DNAAF11: variants seen among roughly 807,000 people sequenced by gnomAD.
The protein encoded by DNAAF11 is leucine rich repeat containing 6.
Under a neutral mutation model 60.8 loss-of-function variants are expected in DNAAF11, and 45 were observed. That is an observed-to-expected ratio of 0.74 (90% CI 0.58 to 0.95). The LOEUF (loss-of-function observed/expected upper bound fraction) is 0.95, where lower values mean the gene tolerates loss of function less well. Ranked by LOEUF, DNAAF11 falls within the 40% of genes least tolerant of loss-of-function variation. The pLI, the probability that DNAAF11 is intolerant of heterozygous loss-of-function variation, is 0.00. For missense variants in DNAAF11, 546 were observed against 546.2 expected (o/e 1.00, Z 0.00); for synonymous variants, 191 against 183.5 (o/e 1.04, Z -0.33).
chr8:132,617,134 T>A (rs1227787661), intron 7 of DNAAF11, among the ~76,000 whole-genome samples: 1 of 152,104 alleles, frequency 6.6e-6, no homozygotes, highest in African/African-American at 2.4e-5. Context: ...TATATATTCT[T>A]AACAACATAA....
At chr8:132,681,978 C>G in the DNAAF11 span, among the ~76,000 whole-genome samples, 528 of 152,214 alleles carry the variant, frequency 3.5e-3, 11 homozygotes, top group East Asian at 0.05. Flanking sequence ...TTGAATTTTG[C>G]CAAGATTTAA....
chr8:132,623,890 T>A (rs1819992028), intron 6 of DNAAF11, among the ~76,000 whole-genome samples: 1 of 152,066 alleles, frequency 6.6e-6, no homozygotes, highest in Non-Finnish European at 1.5e-5. Context: ...ATTTCTTTTG[T>A]CCCTGCTTAC....
intron 8 of DNAAF11, 105 bp downstream of exon 8, chr8:132,614,933 T>C (rs1818995427): frequency 1.6e-6 from 1 of 620,904 alleles, no homozygotes; most frequent in Non-Finnish European, 2.9e-6. Flanking sequence ...CATTTAACTA[T>C]AGGTCTAAGT....
At chr8:132,651,873 T>A (rs956492722) in intron 3 of DNAAF11, among the ~76,000 whole-genome samples, 2 of 152,330 alleles carry the variant, frequency 1.3e-5, no homozygotes, top group East Asian at 3.9e-4. Flanking sequence ...GAGAGAGCAA[T>A]GACTCCATTT....
At chr8:132,604,027 GTTTGTGGAAATTATC>G (rs1817903155) in intron 10 of DNAAF11, among the ~76,000 whole-genome samples, 1 of 152,162 alleles carries the variant, frequency 6.6e-6, no homozygotes, top group Non-Finnish European at 1.5e-5. Context: ...TATGGTTAAA[GTTTGTGGAAATTATC>G]TTTTGAGGCT....
chr8:132,685,442 A>G, the DNAAF11 span, among the ~76,000 whole-genome samples: 2 of 152,316 alleles, frequency 1.3e-5, 1 homozygote, highest in African/African-American at 4.8e-5. Context: ...GTTTATTTTA[A>G]TTGCTAATAT....
chr8:132,679,104 A>G (rs998961304), upstream of DNAAF11, among the ~76,000 whole-genome samples: 5 of 152,226 alleles, frequency 3.3e-5, no homozygotes, highest in Non-Finnish European at 4.4e-5. Context: ...AGATTAGGAA[A>G]CTGAAGCCCA....
rs1814237431 is a variant in DNAAF11 at position 132,571,982 on chromosome 8, A to C, written c.*324T>G. ...TTGCTGAAGTACCAATTTAATACTC[A>C]GTCCTTTTATCTATGAATTAATACT... On this transcript the variant is annotated 3_prime_UTR_variant, in exon 12 of 12. Transcript: ENST00000620350. 1 of 203,786 alleles carries C rather than the reference A, an allele frequency of 4.9e-6. No individual in the cohort carries two copies. The highest frequency in any genetic ancestry group is 9.7e-6 in the Non-Finnish European group (1 of 102,606). The allele number at this position is 203,786 out of a possible 1,614,324, so 12.6% of individuals were successfully genotyped here. A position where few individuals can be genotyped will look rare whatever the true frequency, so the allele number is the denominator to read the frequency against.
At chr8:132,603,620 A>T (rs772466755) in intron 10 of DNAAF11, among the ~76,000 whole-genome samples, 1 of 151,940 alleles carries the variant, frequency 6.6e-6, no homozygotes, top group African/African-American at 2.4e-5. Context: ...GGGAGGACAT[A>T]ATGCCTAATT....
intron 10 of DNAAF11, among the ~76,000 whole-genome samples, chr8:132,593,324 TATAC>T (rs1029275849): frequency 1.3e-4 from 14 of 106,784 alleles, no homozygotes; most frequent in South Asian, 6.1e-4. Context: ...TCAAAGAATA[TATAC>T]ATACATATAT....
At chr8:132,647,213 T>A (rs546554673) in intron 3 of DNAAF11, among the ~76,000 whole-genome samples, 3 of 152,056 alleles carry the variant, frequency 2.0e-5, no homozygotes, top group East Asian at 3.9e-4. Context: ...CTCAACTACA[T>A]GGAAACTGAA....
At chr8:132,615,160 A>C (rs1472105918) in intron 7 of DNAAF11, 63 bp from the exon 8 acceptor site, 1 of 937,214 alleles carries the variant, frequency 1.1e-6, no homozygotes, top group African/African-American at 1.6e-5. Flanking sequence ...AGAAAACCCC[A>C]TCATAAATTC....
At chr8:132,580,728 A>G (rs1815241556) in intron 11 of DNAAF11, among the ~76,000 whole-genome samples, 1 of 152,240 alleles carries the variant, frequency 6.6e-6, no homozygotes, top group Non-Finnish European at 1.5e-5. Flanking sequence ...ACAGAGAGAT[A>G]CTAATACTAT....
At chr8:132,667,916 A>T (rs1269449724) in intron 1 of DNAAF11, among the ~76,000 whole-genome samples, 1 of 152,290 alleles carries the variant, frequency 6.6e-6, no homozygotes, top group East Asian at 1.9e-4. Context: ...CATTACATTG[A>T]GCAAAGTTCT....
chr8:132,652,499 T>C (rs1823115368), intron 3 of DNAAF11, among the ~76,000 whole-genome samples: 1 of 152,050 alleles, frequency 6.6e-6, no homozygotes, highest in Non-Finnish European at 1.5e-5. Flanking sequence ...AGATATCTCA[T>C]CCATAAAATA....
At chr8:132,590,439 C>T (rs1563983679) in intron 10 of DNAAF11, among the ~76,000 whole-genome samples, 1 of 152,220 alleles carries the variant, frequency 6.6e-6, no homozygotes, top group African/African-American at 2.4e-5. Context: ...TGATGGTACA[C>T]ATTTTTTCCT....
chr8:132,588,528 T>C (rs1177729862), intron 10 of DNAAF11, among the ~76,000 whole-genome samples: 1 of 152,176 alleles, frequency 6.6e-6, no homozygotes, highest in Non-Finnish European at 1.5e-5. Context: ...TTAAAAATTA[T>C]TCCTGATCAT....
At chr8:132,702,848 A>G in the DNAAF11 span, among the ~76,000 whole-genome samples, 6 of 152,218 alleles carry the variant, frequency 3.9e-5, no homozygotes, top group African/African-American at 9.6e-5. Flanking sequence ...GTATCATGCT[A>G]TACTGCGATG....
At chr8:132,632,670 C>T in intron 5 of DNAAF11, 70 bp downstream of exon 5, 1 of 1,082,736 alleles carries the variant, frequency 9.2e-7, no homozygotes, top group South Asian at 1.3e-5. Flanking sequence ...CTGCAAACAA[C>T]TTGGAAAGAG....
Sources: allele counts gnomAD v4.1 joint callset (sites outside exome capture counted in the v4.1 genomes callset), GRCh38; gene constraint gnomAD v4.1.1; transcripts MANE v1.5; gene names NCBI Gene and HGNC (gene_info 2026-07-23, HGNC 2026-07-21).